SGPP2: variants seen among roughly 807,000 people sequenced by gnomAD.
The protein encoded by SGPP2 is sphingosine 1-phosphate phosphohydrolase 2.
In SGPP2, 30 loss-of-function variants were observed where a neutral mutation model predicts 33.9. The observed-to-expected ratio is 0.89, with a 90% CI of 0.66 to 1.20. The LOEUF (loss-of-function observed/expected upper bound fraction) is 1.20. SGPP2 is among the 50% of genes most tolerant of loss of function. SGPP2 has a pLI of 0.00. For synonymous variants in SGPP2, 233 were observed against 225.0 expected (o/e 1.04, Z -0.32); for missense variants, 458 against 532.1 (o/e 0.86, Z 1.37).
intron 4 of SGPP2, among the ~76,000 whole-genome samples, chr2:222,538,734 C>T (rs1169376601): frequency 6.6e-6 from 1 of 152,164 alleles, no homozygotes; most frequent in Non-Finnish European, 1.5e-5. Context: ...GCAGGCGCAT[C>T]TTACATGGCC....
At chr2:222,524,020 A>T (rs994768224) in intron 3 of SGPP2, among the ~76,000 whole-genome samples, 1 of 152,204 alleles carries the variant, frequency 6.6e-6, no homozygotes, top group Non-Finnish European at 1.5e-5. Flanking sequence ...CAGCTGTGTG[A>T]CCTCAGGCAG....
chr2:222,489,637 AG>A (rs931182173), intron 2 of SGPP2, among the ~76,000 whole-genome samples: 9 of 152,136 alleles, frequency 5.9e-5, no homozygotes, highest in Non-Finnish European at 1.3e-4. Flanking sequence ...GGCAGTCAAA[AG>A]GGTGTGTCTT....
chr2:222,540,662 T>G (rs1698978779), intron 4 of SGPP2, among the ~76,000 whole-genome samples: 2 of 152,192 alleles, frequency 1.3e-5, no homozygotes, highest in African/African-American at 4.8e-5. Context: ...TCAATAAATC[T>G]ATTTTTTCTC....
At chr2:222,469,569 G>A (rs1366173475) in intron 1 of SGPP2, among the ~76,000 whole-genome samples, 1 of 152,190 alleles carries the variant, frequency 6.6e-6, no homozygotes, top group Non-Finnish European at 1.5e-5. Context: ...AGTCAGAAAT[G>A]TAGAGGTAGA....
At position 222,554,658 on chromosome 2, in the gene SGPP2, C is replaced by T. The variant is rs551063574; in HGVS notation, c.649-3689C>T. ...TTTCATTAACAGAACGTTAAACCTCCGCATCTCTGTCAGCAGGGACAGGCG... is the reference window on the plus strand; with the variant it reads ...TTTCATTAACAGAACGTTAAACCTCTGCATCTCTGTCAGCAGGGACAGGCG... On this transcript the variant is annotated intron_variant, in intron 4 of 4. Coordinates refer to ENST00000321276, the MANE Select transcript of SGPP2 (RefSeq NM_152386.4). 7.2e-5 allele frequency among the ~76,000 whole-genome samples: 11 copies of T among 152,206 alleles called. No homozygotes were observed. The East Asian group carries it at 1.7e-3, about 24-fold the overall frequency.
At chr2:222,451,140 G>A (rs115376060) in intron 1 of SGPP2, among the ~76,000 whole-genome samples, 90 of 130,932 alleles carry the variant, frequency 6.9e-4, no homozygotes, top group Non-Finnish European at 7.7e-4. Flanking sequence ...TACAAAAAGA[G>A]AAAAAAAAAA....
intron 4 of SGPP2, among the ~76,000 whole-genome samples, chr2:222,541,678 A>G (rs376684014): frequency 7.6e-4 from 115 of 152,000 alleles, no homozygotes; most frequent in African/African-American, 2.5e-3. Flanking sequence ...CGGTGGCGCT[A>G]TCTCAGTTCA....
intron 1 of SGPP2, among the ~76,000 whole-genome samples, chr2:222,458,813 G>A (rs900759922): frequency 3.9e-5 from 6 of 152,086 alleles, no homozygotes; most frequent in Admixed American, 6.5e-5. Flanking sequence ...CCAGCCCAGC[G>A]CAAGCACTAA....
intron 1 of SGPP2, among the ~76,000 whole-genome samples, chr2:222,448,917 G>C (rs1300177930): frequency 6.6e-6 from 1 of 152,196 alleles, no homozygotes; most frequent in African/African-American, 2.4e-5. Context: ...TTGGTACAGA[G>C]AACAGTGACC....
intron 4 of SGPP2, among the ~76,000 whole-genome samples, chr2:222,545,604 T>C (rs947282552): frequency 5.3e-5 from 8 of 152,124 alleles, no homozygotes; most frequent in African/African-American, 1.9e-4. Context: ...ATGTCTTTTG[T>C]CTGTTATTGT....
chr2:222,430,276 C>T (rs1165358446), intron 1 of SGPP2, among the ~76,000 whole-genome samples: 14 of 152,044 alleles, frequency 9.2e-5, no homozygotes, highest in Admixed American at 5.2e-4. Context: ...CATAAAGACA[C>T]GTGTCATTTT....
intron 1 of SGPP2, among the ~76,000 whole-genome samples, chr2:222,442,532 G>A (rs974883801): frequency 7.9e-5 from 12 of 152,002 alleles, no homozygotes; most frequent in Admixed American, 5.2e-4. Context: ...GAAAAACATC[G>A]AACAATTTAA....
chr2:222,466,253 C>CTTTTTTTTTTTTTTT (rs34005867), intron 1 of SGPP2, among the ~76,000 whole-genome samples: 1 of 104,704 alleles, frequency 9.6e-6, no homozygotes, highest in Non-Finnish European at 1.9e-5. Context: ...CTGTTTTCAA[C>CTTTTTTTTTTTTTTT]TTTTTTTTTT....
rs552730170 is a variant in SGPP2, at chr2:222,521,811, G to A, written c.423G>A (p.Trp141Ter). The A allele has an allele frequency of 6.2e-7, 1 of 1,610,068 alleles. No homozygotes were observed. The highest frequency in any genetic ancestry group is 1.1e-5 in the South Asian group (1 of 90,154). Residue 141 changes from tryptophan (W) to a stop codon, truncating the protein, a stop_gained, in exon 3 of 5, where the codon TGG becomes TGA. Coordinates refer to ENST00000321276, the MANE Select transcript of SGPP2 (RefSeq NM_152386.4). LOFTEE classifies it high-confidence loss of function. ...IGQVAKDVLK[W>*]PRPSSPPVVK... Reference sequence around the variant, plus strand: ...AAGTGGCCAAGGATGTCTTGAAGTGGCCCCGTCCCTCCTCCCCTCCAGTTG... The same window carrying A: ...AAGTGGCCAAGGATGTCTTGAAGTGACCCCGTCCCTCCTCCCCTCCAGTTG...
chr2:222,446,425 C>T (rs1354777169), intron 1 of SGPP2, among the ~76,000 whole-genome samples: 3 of 152,160 alleles, frequency 2.0e-5, no homozygotes, highest in African/African-American at 7.2e-5. Context: ...ATGAAACAGT[C>T]GATCCGAGTA....
At chr2:222,439,448 C>T (rs1476518892) in intron 1 of SGPP2, among the ~76,000 whole-genome samples, 2 of 152,242 alleles carry the variant, frequency 1.3e-5, no homozygotes, top group East Asian at 3.9e-4. Context: ...ACGAGAATCA[C>T]TTGAACCTGG....
chr2:222,445,075 G>A (rs1697379401), intron 1 of SGPP2, among the ~76,000 whole-genome samples: 1 of 152,176 alleles, frequency 6.6e-6, no homozygotes, highest in Non-Finnish European at 1.5e-5. Context: ...GCAAAGTTAT[G>A]AGAATAAGGC....
intron 1 of SGPP2, among the ~76,000 whole-genome samples, chr2:222,448,325 G>C (rs908218520): frequency 1.3e-5 from 2 of 152,168 alleles, no homozygotes; most frequent in African/African-American, 4.8e-5. Context: ...TCAAACAAAA[G>C]GACTGTACCC....
At chr2:222,451,544 G>A (rs968611162) in intron 1 of SGPP2, among the ~76,000 whole-genome samples, 3 of 152,236 alleles carry the variant, frequency 2.0e-5, no homozygotes, top group Non-Finnish European at 1.5e-5. Flanking sequence ...AAGGGCTGAT[G>A]TGCTGAGCCC....
Sources: allele counts gnomAD v4.1 joint callset (sites outside exome capture counted in the v4.1 genomes callset), GRCh38; gene constraint gnomAD v4.1.1; transcripts MANE v1.5; gene names NCBI Gene and HGNC (gene_info 2026-07-23, HGNC 2026-07-21).